Variants in SUSD4 observed in about 807,000 individuals in gnomAD.
SUSD4 encodes sushi domain containing 4, also known as sushi domain-containing protein 4.
In SUSD4, 41 loss-of-function variants were observed where a neutral mutation model predicts 50.5. That is an observed-to-expected ratio of 0.81 (90% CI 0.63 to 1.05). The LOEUF (loss-of-function observed/expected upper bound fraction) is 1.05, where lower values mean the gene tolerates loss of function less well. Ranked by LOEUF, SUSD4 falls within the 50% of genes least tolerant of loss-of-function variation. The pLI is 0.00. For synonymous variants in SUSD4, 257 were observed against 257.3 expected (o/e 1.00, Z 0.01); for missense variants, 580 against 634.7 (o/e 0.91, Z 0.93).
At chr1:223,268,457 G>C in intron 4 of SUSD4, 45 bp downstream of exon 4, 1 of 1,575,964 alleles carries the variant, frequency 6.3e-7, no homozygotes, top group Non-Finnish European at 8.6e-7. Flanking sequence ...AATAAAGTCC[G>C]AGAGAATAAT....
chr1:223,229,575 C>T lies in SUSD4; in HGVS notation c.725-187G>A. On this transcript the variant is annotated intron_variant, in intron 5 of 8. Coordinates refer to ENST00000366878, the MANE Select transcript of SUSD4 (RefSeq NM_017982.4). This position sits in a 1 kb window ranked among gnomAD's most constrained non-coding sequence, Gnocchi z 4.7. Reference sequence around the variant, plus strand: ...TCATGGAAGGCGGAATGGAAGCCTGCTGTAATATTCTGAGCACGTGCCGTT... The same window carrying T: ...TCATGGAAGGCGGAATGGAAGCCTGTTGTAATATTCTGAGCACGTGCCGTT... 1 of 548,512 alleles carries T rather than the reference C, an allele frequency of 1.8e-6. No homozygotes were observed. Among genetic ancestry groups the T allele is most frequent in the Non-Finnish European group, 3.1e-6 (1 of 318,252 alleles). 34.0% of individuals were successfully genotyped at this position (548,512 alleles called of 1,614,324 possible).
chr1:223,248,330 C>G (rs1271970218), intron 5 of SUSD4, among the ~76,000 whole-genome samples: 3 of 152,202 alleles, frequency 2.0e-5, no homozygotes, highest in Non-Finnish European at 4.4e-5. Context: ...AACAGGAAGA[C>G]AGGGACTCTG....
At position 223,223,365 on chromosome 1, in the gene SUSD4, A is replaced by C; in HGVS notation, c.1328T>G (p.Leu443Arg). 1 of 1,613,624 alleles carries C rather than the reference A, an allele frequency of 6.2e-7. No individual in the cohort carries two copies. Among genetic ancestry groups the C allele is most frequent in the Non-Finnish European group, 8.5e-7 (1 of 1,179,764 alleles). ...VSGSSELLQSLYSPPRCQEST... is the reference protein window; with the variant it reads ...VSGSSELLQSRYSPPRCQEST... The stretch of plus-strand genomic sequence containing the variant: ...CTCTTGGCACCTGGGAGGTGAATAC[A>C]GACTTTGGAGCAGCTCAGAAGAGCC... The change falls in exon 8 of 9, where the codon CTG (leucine) becomes CGG (arginine). Residue 443 changes from leucine (L) to arginine (R), a missense_variant. Coordinates refer to ENST00000366878, the MANE Select transcript of SUSD4 (RefSeq NM_017982.4).
At chr1:223,363,814 C>T in intron 1 of SUSD4, 1 of 188,610 alleles carries the variant, frequency 5.3e-6, no homozygotes, top group African/African-American at 2.3e-5. Context: ...ACACTTTTCC[C>T]TGGGCCTATA....
At chr1:223,317,851 C>CTTTTTTTTTTTTTTTTTTTTTTTTTTTTT (rs1172641015) in intron 2 of SUSD4, among the ~76,000 whole-genome samples, 2 of 100,734 alleles carry the variant, frequency 2.0e-5, no homozygotes, top group Non-Finnish European at 3.9e-5. Context: ...TTTTTTTTTT[C>CTTTTTTTTTTTTTTTTTTTTTTTTTTTTT]TTTTTTTTTT....
chr1:223,258,401 G>A (rs1263015925), intron 5 of SUSD4, among the ~76,000 whole-genome samples: 1 of 152,010 alleles, frequency 6.6e-6, no homozygotes, highest in Non-Finnish European at 1.5e-5. Context: ...GAGCTGAAAG[G>A]ACCCCTGGGC....
rs1025141989 is a variant in SUSD4, at chr1:223,231,003, A to G, written c.725-1615T>C. ...TAACGAGGTGATGGCAAAGTGGAGAAGCCAGCAGGAACACCCCAAGATTAG... is the reference window on the plus strand; with the variant it reads ...TAACGAGGTGATGGCAAAGTGGAGAGGCCAGCAGGAACACCCCAAGATTAG... On this transcript the variant is annotated intron_variant, in intron 5 of 8. Transcript: ENST00000366878. This position sits in a 1 kb window ranked among gnomAD's most constrained non-coding sequence, Gnocchi z 4.2. Among the ~76,000 whole-genome samples, 1 of 152,192 alleles carries G rather than the reference A, an allele frequency of 6.6e-6. No homozygotes were observed. Among genetic ancestry groups the G allele is most frequent in the African/African-American group, 2.4e-5 (1 of 41,438 alleles).
chr1:223,294,664 G>A (rs1373807687), intron 2 of SUSD4, among the ~76,000 whole-genome samples: 1 of 152,194 alleles, frequency 6.6e-6, no homozygotes, highest in Non-Finnish European at 1.5e-5. Flanking sequence ...GGAGGGCACA[G>A]CATCCACATC....
intron 3 of SUSD4, among the ~76,000 whole-genome samples, chr1:223,284,700 T>C (rs1664016409): frequency 6.6e-6 from 1 of 152,302 alleles, no homozygotes; most frequent in East Asian, 1.9e-4. Flanking sequence ...AATTTTGTCA[T>C]TGATGGCAAC....
intron 5 of SUSD4, among the ~76,000 whole-genome samples, chr1:223,254,537 A>G (rs1038165453): frequency 1.3e-5 from 2 of 152,202 alleles, no homozygotes; most frequent in African/African-American, 4.8e-5. Context: ...GATGAGGACC[A>G]TCTATCATGT....
intron 3 of SUSD4, among the ~76,000 whole-genome samples, chr1:223,275,341 T>G (rs1663182098): frequency 6.6e-6 from 1 of 152,268 alleles, no homozygotes; most frequent in African/African-American, 2.4e-5. Context: ...TAACCTGATT[T>G]CTTGCTTTTC....
At chr1:223,345,717 C>T (rs187833363) in intron 2 of SUSD4, among the ~76,000 whole-genome samples, 1 of 152,302 alleles carries the variant, frequency 6.6e-6, no homozygotes, top group Non-Finnish European at 1.5e-5. Flanking sequence ...TATCTTAAGA[C>T]CAAACTCATC....
chr1:223,247,073 A>G (rs1382036482), intron 5 of SUSD4, among the ~76,000 whole-genome samples: 1 of 152,100 alleles, frequency 6.6e-6, no homozygotes, highest in African/African-American at 2.4e-5. Flanking sequence ...TTTCATTCTT[A>G]CTAGTTCCAA....
Position 223,223,359 on chromosome 1 carries a change from G to A in SUSD4, c.1334C>T (p.Ser445Leu). 1 of 1,613,492 alleles carries A rather than the reference G, an allele frequency of 6.2e-7. No homozygotes were observed. Among genetic ancestry groups the A allele is most frequent in the Non-Finnish European group, 8.5e-7 (1 of 1,179,722 alleles). Residue 445 changes from serine (S) to leucine (L), a missense_variant, in exon 8 of 9, where the codon TCA becomes TTA. Transcript: ENST00000366878. ...GGTGCTCTCTTGGCACCTGGGAGGT[G>A]AATACAGACTTTGGAGCAGCTCAGA... The part of the protein sequence containing the change: ...GSSELLQSLY[S>L]PPRCQESTHP...
At chr1:223,356,242 T>C (rs1309320372) in intron 2 of SUSD4, among the ~76,000 whole-genome samples, 1 of 151,790 alleles carries the variant, frequency 6.6e-6, no homozygotes, top group Non-Finnish European at 1.5e-5. Context: ...GAAGAAGAAA[T>C]ATTGGGCCAA....
intron 2 of SUSD4, among the ~76,000 whole-genome samples, chr1:223,323,413 T>A (rs1261901868): frequency 6.6e-6 from 1 of 152,068 alleles, no homozygotes; most frequent in Non-Finnish European, 1.5e-5. Context: ...AATGGTGGTG[T>A]GTAGAGTTCT....
At chr1:223,297,468 C>T (rs1159862512) in intron 2 of SUSD4, among the ~76,000 whole-genome samples, 2 of 152,096 alleles carry the variant, frequency 1.3e-5, no homozygotes, top group Middle Eastern at 3.2e-3. Flanking sequence ...AAGTTGTCCC[C>T]ACCTGAATGT....
intron 5 of SUSD4, among the ~76,000 whole-genome samples, chr1:223,237,400 T>C (rs1405948091): frequency 1.3e-5 from 2 of 152,058 alleles, no homozygotes; most frequent in Non-Finnish European, 2.9e-5. Flanking sequence ...AACGGAGTGA[T>C]GAGAAAGAAC....
chr1:223,304,455 C>A (rs548742334), intron 2 of SUSD4, among the ~76,000 whole-genome samples: 1 of 152,144 alleles, frequency 6.6e-6, no homozygotes, highest in African/African-American at 2.4e-5. Flanking sequence ...GACCAGCACC[C>A]TTTAGAAATG....
Sources: gnomAD v4.1 joint callset for allele counts (sites outside exome capture counted in the v4.1 genomes callset) on GRCh38, gnomAD v4.1.1 for gene constraint, Gnocchi (gnomAD v3.1) non-coding constraint, MANE v1.5 for transcripts, NCBI Gene and HGNC (gene_info 2026-07-23, HGNC 2026-07-21) for gene names.